The following RNF150 variants were observed in gnomAD, a reference collection of about 807,000 sequenced individuals.
RNF150 encodes ring finger protein 150.
RNF150 carries 24 observed loss-of-function variants against 39.3 expected under a neutral mutation model. That is an observed-to-expected ratio of 0.61 (90% CI 0.44 to 0.86). The LOEUF (loss-of-function observed/expected upper bound fraction) is 0.86. RNF150 is among the 40% of genes least tolerant of loss of function. The pLI, the probability that RNF150 is intolerant of heterozygous loss-of-function variation, is 0.00. For synonymous variants in RNF150, 255 were observed against 227.3 expected (o/e 1.12, Z -1.10); for missense variants, 502 against 587.8 (o/e 0.85, Z 1.51).
intron 1 of RNF150, among the ~76,000 whole-genome samples, chr4:140,974,227 T>C (rs1733575019): frequency 6.6e-6 from 1 of 152,178 alleles, no homozygotes; most frequent in Non-Finnish European, 1.5e-5. Flanking sequence ...CATATTAATT[T>C]TGTCAGTTTT....
At chr4:140,928,782 G>A (rs371301428) in intron 4 of RNF150, among the ~76,000 whole-genome samples, 12 of 152,156 alleles carry the variant, frequency 7.9e-5, no homozygotes, top group East Asian at 3.9e-4. Flanking sequence ...TCCTGACCTC[G>A]TGATCCACCC....
In RNF150 at chr4:140,868,188, G is replaced by C. The variant is rs956466139; in HGVS notation, c.*73C>G. The C allele has an allele frequency of 1.1e-6, 1 of 876,510 alleles. No individual in the cohort carries two copies. Among genetic ancestry groups the C allele is most frequent in the Non-Finnish European group, 1.9e-6 (1 of 514,840 alleles). 54.3% of individuals were successfully genotyped at this position (876,510 alleles called of 1,614,324 possible). A position where few individuals can be genotyped will look rare whatever the true frequency, so the allele number is the denominator to read the frequency against. ...TGATCTGGAGGTGTGTGTGTGCCTGGTCCAAGTCTTGGAGCACTCTTCCCT... is the reference window on the plus strand; with the variant it reads ...TGATCTGGAGGTGTGTGTGTGCCTGCTCCAAGTCTTGGAGCACTCTTCCCT... On this transcript the variant is annotated 3_prime_UTR_variant, in exon 7 of 7. Transcript: ENST00000515673.
At chr4:141,163,256 C>T (rs539057909) in intron 1 of RNF150, among the ~76,000 whole-genome samples, 3 of 152,362 alleles carry the variant, frequency 2.0e-5, no homozygotes, top group Non-Finnish European at 2.9e-5. Context: ...TCTCTAGATT[C>T]TTCCTCTCTG....
chr4:140,955,020 G>A (rs1370382777), intron 2 of RNF150, among the ~76,000 whole-genome samples: 5 of 152,066 alleles, frequency 3.3e-5, no homozygotes, highest in Non-Finnish European at 7.4e-5. Context: ...GTGTTCTTAA[G>A]TTCTAGGTGA....
At chr4:140,888,791 T>C (rs1729664039) in intron 6 of RNF150, among the ~76,000 whole-genome samples, 1 of 152,226 alleles carries the variant, frequency 6.6e-6, no homozygotes, top group Non-Finnish European at 1.5e-5. Flanking sequence ...AATAATTCTC[T>C]CAACCAAATA....
intron 1 of RNF150, among the ~76,000 whole-genome samples, chr4:141,035,348 G>A (rs961086053): frequency 1.3e-5 from 2 of 152,240 alleles, no homozygotes; most frequent in African/African-American, 2.4e-5. Flanking sequence ...TGGCGCTACC[G>A]GATTCACCTT....
At chr4:140,996,096 A>T (rs76645074) in intron 1 of RNF150, among the ~76,000 whole-genome samples, 11,555 of 152,230 alleles carry the variant, frequency 0.076, 500 homozygotes, top group Middle Eastern at 0.16. Flanking sequence ...TTCCAGCAAC[A>T]CTGTATGAGG....
At position 140,987,708 on chromosome 4, in the gene RNF150, G is replaced by T. The variant is rs552142902; in HGVS notation, c.485-19835C>A. Among the ~76,000 whole-genome samples, 20 of 152,172 alleles carry T rather than the reference G, an allele frequency of 1.3e-4. No individual in the cohort carries two copies. In the South Asian group the frequency reaches 1.9e-3, roughly 14 times the overall value. The stretch of plus-strand genomic sequence containing the variant: ...CATTCTGGACTTTGACCTTGAGAAA[G>T]AATTTATGACTAAGTCTTCAAAAGC... On this transcript the variant is annotated intron_variant, in intron 1 of 6. Coordinates refer to ENST00000515673, the MANE Select transcript of RNF150 (RefSeq NM_020724.2).
chr4:141,157,348 A>T (rs3910325), intron 1 of RNF150, among the ~76,000 whole-genome samples: 2 of 151,948 alleles, frequency 1.3e-5, no homozygotes, highest in African/African-American at 4.8e-5. Context: ...TGGGTTTGAT[A>T]ATATATAACC....
intron 1 of RNF150, among the ~76,000 whole-genome samples, chr4:140,989,751 T>C (rs567107052): frequency 6.6e-6 from 1 of 152,284 alleles, no homozygotes; most frequent in South Asian, 2.1e-4. Flanking sequence ...TTGCTTTTTT[T>C]TTTTAACTAC....
chr4:141,039,592 T>C (rs1390189787), intron 1 of RNF150, among the ~76,000 whole-genome samples: 2 of 152,100 alleles, frequency 1.3e-5, no homozygotes, highest in Non-Finnish European at 2.9e-5. Context: ...TCCTAAAATC[T>C]GCACGTGCAC....
intron 1 of RNF150, among the ~76,000 whole-genome samples, chr4:141,206,125 A>G (rs1169570491): frequency 6.6e-6 from 1 of 151,948 alleles, no homozygotes; most frequent in African/African-American, 2.4e-5. Flanking sequence ...CTTTTATTTA[A>G]AAGAGTGTTC....
intron 1 of RNF150, among the ~76,000 whole-genome samples, chr4:141,003,608 C>T (rs987435721): frequency 2.0e-5 from 3 of 148,732 alleles, no homozygotes; most frequent in Admixed American, 6.8e-5. Flanking sequence ...CACACACACA[C>T]GTGTGCACAC....
chr4:141,077,699 T>C (rs1157126121), intron 1 of RNF150, among the ~76,000 whole-genome samples: 1 of 152,240 alleles, frequency 6.6e-6, no homozygotes, highest in Non-Finnish European at 1.5e-5. Flanking sequence ...CTTTTCCTTA[T>C]GTTTCCTCTA....
intron 1 of RNF150, among the ~76,000 whole-genome samples, chr4:141,063,991 CAAA>C (rs35348369): frequency 5.1e-5 from 6 of 116,650 alleles, no homozygotes; most frequent in Non-Finnish European, 5.1e-5. Context: ...AAAAGTTCTA[CAAA>C]AAAAAAAAAA....
intron 1 of RNF150, among the ~76,000 whole-genome samples, chr4:141,042,048 G>T (rs1736393883): frequency 6.6e-6 from 1 of 151,996 alleles, no homozygotes; most frequent in African/African-American, 2.4e-5. Flanking sequence ...ATGAAAAGTT[G>T]ATGATTCAAG....
At chr4:140,927,386 G>A (rs889672599) in intron 4 of RNF150, among the ~76,000 whole-genome samples, 2 of 152,150 alleles carry the variant, frequency 1.3e-5, no homozygotes, top group Non-Finnish European at 1.5e-5. Context: ...CCTGGTGGGA[G>A]GTGATTGGAT....
At chr4:140,939,741 T>C (rs1057065407) in intron 4 of RNF150, among the ~76,000 whole-genome samples, 5 of 152,114 alleles carry the variant, frequency 3.3e-5, no homozygotes, top group African/African-American at 2.4e-5. Context: ...CAAGCTGCTA[T>C]ATTTTTTTCT....
At chr4:140,883,245 T>C (rs1729441578) in intron 6 of RNF150, among the ~76,000 whole-genome samples, 1 of 152,214 alleles carries the variant, frequency 6.6e-6, no homozygotes. Flanking sequence ...AAGTAGTTTT[T>C]TTCACCTTTG....
Sources: gnomAD v4.1 joint callset for allele counts (sites outside exome capture counted in the v4.1 genomes callset) on GRCh38, gnomAD v4.1.1 for gene constraint, MANE v1.5 for transcripts, NCBI Gene and HGNC (gene_info 2026-07-23, HGNC 2026-07-21) for gene names.